The following CTNND2 variants were observed in gnomAD, a reference collection of about 807,000 sequenced individuals.
CTNND2 encodes the protein catenin delta 2.
CTNND2 carries 22 observed loss-of-function variants against 144.4 expected under a neutral mutation model. The ratio of observed to expected loss-of-function variants is 0.15; its 90% CI spans 0.11 to 0.22. The LOEUF is 0.22. Among genes scored for constraint, CTNND2 ranks in the 10% least tolerant of loss-of-function variants. The pLI is 1.00. For synonymous variants in CTNND2, 751 were observed against 695.6 expected (o/e 1.08, Z -1.25); for missense variants, 1,353 against 1,618.8 (o/e 0.84, Z 2.82).
At chr5:11,103,813 C>A (rs1752152394) in intron 14 of CTNND2, among the ~76,000 whole-genome samples, 1 of 152,180 alleles carries the variant, frequency 6.6e-6, no homozygotes, top group African/African-American at 2.4e-5. Context: ...ATAAAAGCCC[C>A]CTAATGAATG....
At chr5:11,615,001 G>T (rs982841255) in intron 2 of CTNND2, among the ~76,000 whole-genome samples, 6 of 152,126 alleles carry the variant, frequency 3.9e-5, no homozygotes, top group African/African-American at 1.4e-4. Context: ...ACATCATTTA[G>T]TAGAATCTAG....
chr5:11,317,656 T>A (rs1751647915), intron 9 of CTNND2, among the ~76,000 whole-genome samples: 1 of 152,232 alleles, frequency 6.6e-6, no homozygotes, highest in Admixed American at 6.5e-5. Flanking sequence ...ATTTTCCAGT[T>A]ACAAACATGA....
At chr5:11,342,405 A>G (rs1298847750) in intron 9 of CTNND2, among the ~76,000 whole-genome samples, 1 of 152,212 alleles carries the variant, frequency 6.6e-6, no homozygotes, top group Non-Finnish European at 1.5e-5. Context: ...TGCAGCTGCT[A>G]TAATTTGGGC....
chr5:11,056,315 G>C (rs1348205534), intron 16 of CTNND2, among the ~76,000 whole-genome samples: 1 of 152,066 alleles, frequency 6.6e-6, no homozygotes, highest in Non-Finnish European at 1.5e-5. Flanking sequence ...TTGGATTTCT[G>C]CTAAGGAAAT....
At chr5:11,874,024 C>CT (rs1735363820) in intron 1 of CTNND2, among the ~76,000 whole-genome samples, 1 of 152,176 alleles carries the variant, frequency 6.6e-6, no homozygotes, top group Non-Finnish European at 1.5e-5. Context: ...CCAAGCCCTA[C>CT]TATTCAGCAG....
intron 9 of CTNND2, among the ~76,000 whole-genome samples, chr5:11,239,401 C>T (rs1741979832): frequency 6.6e-6 from 1 of 152,188 alleles, no homozygotes; most frequent in Admixed American, 6.5e-5. Context: ...CCAGCTCTGC[C>T]CTGTCCCCAA....
intron 2 of CTNND2, among the ~76,000 whole-genome samples, chr5:11,713,112 C>A (rs1193305172): frequency 6.6e-6 from 1 of 152,084 alleles, no homozygotes; most frequent in Non-Finnish European, 1.5e-5. Flanking sequence ...TATGACCAGA[C>A]AGAAATACTA....
intron 2 of CTNND2, among the ~76,000 whole-genome samples, chr5:11,707,102 A>G (rs774424297): frequency 6.6e-6 from 1 of 151,678 alleles, no homozygotes; most frequent in African/African-American, 2.4e-5. Context: ...AAAAAAAAAG[A>G]AAGTGAAAAT....
intron 2 of CTNND2, among the ~76,000 whole-genome samples, chr5:11,654,881 G>C (rs1272003434): frequency 6.6e-6 from 1 of 152,004 alleles, no homozygotes; most frequent in Non-Finnish European, 1.5e-5. Flanking sequence ...GATGTTAGTT[G>C]CAGCCTTGTC....
intron 2 of CTNND2, chr5:11,588,708 GGTTA>G (rs1320670386): frequency 2.1e-6 from 2 of 963,152 alleles, no homozygotes; most frequent in South Asian, 4.8e-5. Context: ...AACCAAACGC[GGTTA>G]GTTTTCACTT....
At chr5:11,698,051 G>T (rs10041503) in intron 2 of CTNND2, among the ~76,000 whole-genome samples, 19,835 of 152,078 alleles carry the variant, frequency 0.13, 4,317 homozygotes, top group African/African-American at 0.45. Context: ...AATCAGTCTG[G>T]TTGCTGTGCA....
At chr5:10,994,428 A>G in intron 18 of CTNND2, among the ~76,000 whole-genome samples, 1 of 22,350 alleles carries the variant, frequency 4.5e-5, no homozygotes, top group Non-Finnish European at 7.9e-5. Context: ...GGGAAGGAGG[A>G]AAGGGGTGGG....
At chr5:11,586,941 T>TA (rs1000215437) in intron 2 of CTNND2, among the ~76,000 whole-genome samples, 6 of 151,808 alleles carry the variant, frequency 4.0e-5, no homozygotes, top group African/African-American at 1.5e-4. Context: ...ATACCTGGAT[T>TA]AAAAAAAAGT....
At chr5:11,554,069 T>C (rs1776007283) in intron 3 of CTNND2, among the ~76,000 whole-genome samples, 1 of 152,182 alleles carries the variant, frequency 6.6e-6, no homozygotes, top group African/African-American at 2.4e-5. Flanking sequence ...TATTCTCAAA[T>C]AAATTTAGAA....
intron 12 of CTNND2, among the ~76,000 whole-genome samples, chr5:11,153,150 C>A (rs1330321776): frequency 6.6e-6 from 1 of 151,974 alleles, no homozygotes; most frequent in Non-Finnish European, 1.5e-5. Context: ...TAGTCCCAGG[C>A]ACTCGGGAGG....
At chr5:11,105,029 G>C (rs550067386) in intron 14 of CTNND2, among the ~76,000 whole-genome samples, 14 of 152,322 alleles carry the variant, frequency 9.2e-5, no homozygotes, top group African/African-American at 3.4e-4. Context: ...CACGAGGCCG[G>C]CCACTGTGCT....
At chr5:11,345,492 A>G (rs1754679533) in intron 9 of CTNND2, among the ~76,000 whole-genome samples, 1 of 152,202 alleles carries the variant, frequency 6.6e-6, no homozygotes, top group African/African-American at 2.4e-5. Flanking sequence ...AATCTATTCC[A>G]ACCCCTCAAT....
Position 11,678,349 on chromosome 5 carries a change from C to T in CTNND2, c.174+53787G>A, listed in dbSNP as rs1412532830. Among the ~76,000 whole-genome samples the T allele has an allele frequency of 2.0e-5, 3 of 152,008 alleles. No homozygotes were observed. In the East Asian group the frequency reaches 5.8e-4, roughly 29 times the overall value. On this transcript the variant is annotated intron_variant, in intron 2 of 21. Transcript: ENST00000304623. Reference sequence around the variant, plus strand: ...TTTTCTGAAGCAGTGACTTCAGAACCCCTGACTGGTATTTTACATTAATAA... The same window carrying T: ...TTTTCTGAAGCAGTGACTTCAGAACTCCTGACTGGTATTTTACATTAATAA...
At chr5:11,113,794 C>G (rs1371669551) in intron 13 of CTNND2, among the ~76,000 whole-genome samples, 3 of 152,164 alleles carry the variant, frequency 2.0e-5, no homozygotes, top group Non-Finnish European at 4.4e-5. Flanking sequence ...TGGGGTGGGA[C>G]TGGAATGGGC....
Sources: gnomAD v4.1 joint callset for allele counts (sites outside exome capture counted in the v4.1 genomes callset) on GRCh38, gnomAD v4.1.1 for gene constraint, MANE v1.5 for transcripts, NCBI Gene and HGNC (gene_info 2026-07-23, HGNC 2026-07-21) for gene names.